The following RPS6KC1 variants were observed in gnomAD, a reference collection of about 807,000 sequenced individuals.
RPS6KC1 encodes the protein inactive ribosomal protein S6 kinase delta-1.
In RPS6KC1, 54 loss-of-function variants were observed where a neutral mutation model predicts 103.8. The observed-to-expected ratio is 0.52, with a 90% CI of 0.42 to 0.65. RPS6KC1 has a LOEUF of 0.65. Ranked by LOEUF, RPS6KC1 falls within the 30% of genes least tolerant of loss-of-function variation. RPS6KC1 has a pLI of 0.00. For missense variants in RPS6KC1, 1,151 were observed against 1,253.8 expected (o/e 0.92, Z 1.24); for synonymous variants, 439 against 438.7 (o/e 1.00, Z -0.01).
chr1:213,433,914 T>C, the RPS6KC1 span, among the ~76,000 whole-genome samples: 1 of 152,242 alleles, frequency 6.6e-6, no homozygotes, highest in Admixed American at 6.5e-5. Flanking sequence ...TTTCCTTCTC[T>C]GAAGACTGTC....
At chr1:213,359,988 C>A in the RPS6KC1 span, among the ~76,000 whole-genome samples, 2 of 152,156 alleles carry the variant, frequency 1.3e-5, no homozygotes, top group South Asian at 4.1e-4. Context: ...CTGCCCTTAA[C>A]ATTTTTTCCT....
At chr1:213,139,012 A>G (rs1466694041) in intron 6 of RPS6KC1, among the ~76,000 whole-genome samples, 3 of 152,138 alleles carry the variant, frequency 2.0e-5, no homozygotes. Flanking sequence ...TGTCACTGGC[A>G]TGTGTTATTT....
the RPS6KC1 span, among the ~76,000 whole-genome samples, chr1:213,327,570 T>C: frequency 6.6e-6 from 1 of 152,078 alleles, no homozygotes; most frequent in Non-Finnish European, 1.5e-5. Context: ...GCATTGCTAC[T>C]AGTTGTGTGT....
At chr1:213,627,198 G>C in the RPS6KC1 span, among the ~76,000 whole-genome samples, 1 of 152,130 alleles carries the variant, frequency 6.6e-6, no homozygotes, top group African/African-American at 2.4e-5. Context: ...GTTGTGAATG[G>C]GAGTTCAGTC....
At chr1:213,705,765 G>A in the RPS6KC1 span, among the ~76,000 whole-genome samples, 2 of 152,174 alleles carry the variant, frequency 1.3e-5, no homozygotes, top group African/African-American at 4.8e-5. Context: ...GGGTATCACT[G>A]GGTATTCAGG....
chr1:213,173,354 C>G lies in RPS6KC1; in HGVS notation c.952-3046C>G, dbSNP rs2091624851. 1.3e-5 allele frequency among the ~76,000 whole-genome samples: 2 copies of G among 152,162 alleles called. 1 individual carries two copies. The highest frequency in any genetic ancestry group is 4.1e-4 in the South Asian group (2 of 4,828). On this transcript the variant is annotated intron_variant, in intron 7 of 14. Coordinates refer to ENST00000366960, the MANE Select transcript of RPS6KC1 (RefSeq NM_012424.6). ...TTTGGTCATTTGTCCTTCAATTTCC[C>G]CATTCCTGTCTTTGCAAGAGTAACC...
the RPS6KC1 span, among the ~76,000 whole-genome samples, chr1:213,826,162 C>G: frequency 6.6e-6 from 1 of 152,072 alleles, no homozygotes. Context: ...AATGACAAAT[C>G]TATATTTTAA....
At chr1:213,425,996 G>A in the RPS6KC1 span, among the ~76,000 whole-genome samples, 3 of 152,176 alleles carry the variant, frequency 2.0e-5, no homozygotes, top group Non-Finnish European at 2.9e-5. Context: ...ATTCTCCCAA[G>A]ATTGGAGTAG....
chr1:213,413,318 T>C, the RPS6KC1 span, among the ~76,000 whole-genome samples: 1 of 152,236 alleles, frequency 6.6e-6, no homozygotes, highest in Non-Finnish European at 1.5e-5. Context: ...TAAGTTATTG[T>C]TAATTGTAGT....
the RPS6KC1 span, among the ~76,000 whole-genome samples, chr1:213,346,891 TG>T: frequency 1.6e-4 from 24 of 152,290 alleles, no homozygotes; most frequent in African/African-American, 5.8e-4. Flanking sequence ...TCAGGAAATT[TG>T]GGCTGAATCA....
chr1:213,114,880 G>T (rs1287401660), intron 4 of RPS6KC1, among the ~76,000 whole-genome samples: 2 of 152,188 alleles, frequency 1.3e-5, no homozygotes, highest in African/African-American at 2.4e-5. Flanking sequence ...TATTGAACCA[G>T]CCTTGCATCT....
chr1:213,120,957 T>G (rs1280331444), intron 5 of RPS6KC1, among the ~76,000 whole-genome samples: 1 of 152,166 alleles, frequency 6.6e-6, no homozygotes, highest in Non-Finnish European at 1.5e-5. Context: ...TCTGGGTGTC[T>G]GTTTATTTGT....
chr1:213,306,714 T>C, the RPS6KC1 span, among the ~76,000 whole-genome samples: 1 of 152,218 alleles, frequency 6.6e-6, no homozygotes, highest in Non-Finnish European at 1.5e-5. Flanking sequence ...AACTGCTGTG[T>C]TGAGAAGGAC....
chr1:213,115,246 A>C lies in RPS6KC1; in HGVS notation c.379-2071A>C, dbSNP rs998886882. On this transcript the variant is annotated intron_variant, in intron 4 of 14. Transcript: ENST00000366960. ...CAATTTCAGATCCTGTTATTGGTCT[A>C]TTCAGAGATTCAACTTCTTCCTGGT... 4.5e-4 allele frequency among the ~76,000 whole-genome samples: 69 copies of C among 152,112 alleles called. No individual in the cohort carries two copies. The East Asian group carries it at 4.6e-3, about 10-fold the overall frequency.
At chr1:213,711,817 T>A in the RPS6KC1 span, among the ~76,000 whole-genome samples, 2 of 152,198 alleles carry the variant, frequency 1.3e-5, no homozygotes, top group African/African-American at 4.8e-5. Flanking sequence ...CTCCATATCC[T>A]GTTTGCCTGG....
At chr1:213,557,058 G>T in the RPS6KC1 span, among the ~76,000 whole-genome samples, 2 of 152,132 alleles carry the variant, frequency 1.3e-5, no homozygotes, top group African/African-American at 2.4e-5. Flanking sequence ...AGGAGGCCCA[G>T]GGATGGAAGT....
the RPS6KC1 span, among the ~76,000 whole-genome samples, chr1:213,322,687 A>G: frequency 6.6e-6 from 1 of 152,174 alleles, no homozygotes; most frequent in East Asian, 1.9e-4. Flanking sequence ...CACTTTCCAA[A>G]GACTGCCAGA....
At chr1:213,646,305 C>T in the RPS6KC1 span, among the ~76,000 whole-genome samples, 2 of 151,974 alleles carry the variant, frequency 1.3e-5, no homozygotes, top group African/African-American at 4.8e-5. Flanking sequence ...AAATTTCTGC[C>T]TGGGGTTAGG....
the RPS6KC1 span, among the ~76,000 whole-genome samples, chr1:213,801,408 T>C: frequency 6.6e-6 from 1 of 152,210 alleles, no homozygotes; most frequent in Non-Finnish European, 1.5e-5. Flanking sequence ...TTGATTAAAT[T>C]TATGATTACT....
Sources: allele counts gnomAD v4.1 joint callset (sites outside exome capture counted in the v4.1 genomes callset), GRCh38; gene constraint gnomAD v4.1.1; transcripts MANE v1.5; gene names NCBI Gene and HGNC (gene_info 2026-07-23, HGNC 2026-07-21).